GUCY2C: variants seen among roughly 807,000 people sequenced by gnomAD.
The protein encoded by GUCY2C is guanylate cyclase 2C.
Under a neutral mutation model 131.1 loss-of-function variants are expected in GUCY2C, and 118 were observed. The observed-to-expected ratio is 0.90, with a 90% confidence interval of 0.78 to 1.05. GUCY2C has a LOEUF of 1.05. Among genes scored for constraint, GUCY2C ranks in the 50% least tolerant of loss-of-function variants. The pLI is 0.00. For missense variants in GUCY2C, 1,161 were observed against 1,304.4 expected, an observed-to-expected ratio of 0.89 and a Z score of 1.69; for synonymous variants, 452 against 457.8, an observed-to-expected ratio of 0.99 and a Z score of 0.16.
At chr12:14,644,425 T>C (rs1947471945) in intron 16 of GUCY2C, among the ~76,000 whole-genome samples, 2 of 152,212 alleles carry the variant, frequency 1.3e-5, no homozygotes, top group Non-Finnish European at 2.9e-5. Flanking sequence ...TTCTCTCTTG[T>C]GGTTAGAGGG....
intron 19 of GUCY2C, among the ~76,000 whole-genome samples, chr12:14,632,241 A>G (rs918858481): frequency 6.6e-6 from 1 of 151,936 alleles, no homozygotes; most frequent in Non-Finnish European, 1.5e-5. Flanking sequence ...ATTAGATCCC[A>G]TTTGTCAATT....
chr12:14,635,841 A>G (rs1947257543), intron 19 of GUCY2C, among the ~76,000 whole-genome samples: 1 of 152,176 alleles, frequency 6.6e-6, no homozygotes, highest in Non-Finnish European at 1.5e-5. Flanking sequence ...ATACCAGCAA[A>G]CTGAAAAATA....
chr12:14,670,683 A>G (rs538667223), intron 9 of GUCY2C, among the ~76,000 whole-genome samples: 35 of 151,868 alleles, frequency 2.3e-4, no homozygotes, highest in Non-Finnish European at 4.3e-4. Flanking sequence ...TGATGGTTTT[A>G]TAAGAGGTTT....
At chr12:14,634,286 C>T (rs1947214906) in intron 19 of GUCY2C, among the ~76,000 whole-genome samples, 1 of 152,160 alleles carries the variant, frequency 6.6e-6, no homozygotes, top group Non-Finnish European at 1.5e-5. Flanking sequence ...ATCCAGCAAA[C>T]TTATCTTTCA....
At chr12:14,626,230 G>A (rs987500077) in intron 20 of GUCY2C, among the ~76,000 whole-genome samples, 4 of 151,878 alleles carry the variant, frequency 2.6e-5, no homozygotes, top group African/African-American at 9.7e-5. Flanking sequence ...GGCCGAGGCA[G>A]GAGAATTGCT....
chr12:14,666,328 G>T (rs1947979224), intron 10 of GUCY2C, among the ~76,000 whole-genome samples: 1 of 152,232 alleles, frequency 6.6e-6, no homozygotes, highest in South Asian at 2.1e-4. Flanking sequence ...TTTTAGTACA[G>T]CTGCGGGCAT....
chr12:14,677,678 C>T lies in GUCY2C; in HGVS notation c.831-707G>A, dbSNP rs941314467. 1.1e-4 allele frequency among the ~76,000 whole-genome samples: 17 copies of T among 152,104 alleles called. No homozygotes were observed. In the East Asian group the frequency reaches 3.3e-3, roughly 29 times the overall value. ...CTCCGCCTCCCAGGTTCAAGCAATT[C>T]TCCTGCCTCAGCCTCCTGAGTAGCT... On this transcript the variant is annotated intron_variant, in intron 6 of 26. Transcript: ENST00000261170.
At chr12:14,696,031 C>A (rs749041527) in intron 1 of GUCY2C, among the ~76,000 whole-genome samples, 1 of 152,114 alleles carries the variant, frequency 6.6e-6, no homozygotes, top group Non-Finnish European at 1.5e-5. Flanking sequence ...AGTCCCAGAG[C>A]AAGGTGAAGT....
intron 15 of GUCY2C, 135 bp from the exon 16 acceptor site, chr12:14,645,450 G>A: frequency 3.4e-6 from 2 of 580,426 alleles, no homozygotes; most frequent in Non-Finnish European, 6.1e-6. Flanking sequence ...CATTGTCTGG[G>A]ATTTCATGAA....
In GUCY2C at chr12:14,676,909, G is replaced by C; in HGVS notation, c.893C>G (p.Thr298Arg). ...TAGAAGGGAATTCCCAGGAGACAGC[G>C]TCAGAACAAGGACATTTTTCATATA... ...PDYMKNVLVL[T>R]LSPGNSLLNS... Residue 298 changes from threonine to arginine, a missense_variant, in exon 7 of 27, where the codon ACG becomes AGG. Coordinates refer to ENST00000261170, the MANE Select transcript of GUCY2C (RefSeq NM_004963.4). 1 of 1,573,526 alleles carries C rather than the reference G, an allele frequency of 6.4e-7. No homozygotes were observed. Among genetic ancestry groups the C allele is most frequent in the Non-Finnish European group, 8.7e-7 (1 of 1,151,766 alleles).
chr12:14,642,854 A>G (rs1415478741), intron 17 of GUCY2C, among the ~76,000 whole-genome samples: 1 of 152,114 alleles, frequency 6.6e-6, no homozygotes, highest in African/African-American at 2.4e-5. Context: ...CAGAATCGCA[A>G]TTTTCCTTTT....
At chr12:14,619,110 A>C in intron 24 of GUCY2C, 101 bp downstream of exon 24, 1 of 667,176 alleles carries the variant, frequency 1.5e-6, no homozygotes, top group Non-Finnish European at 2.7e-6. Flanking sequence ...TCTACATCTC[A>C]CTGGCACTTT....
chr12:14,674,468 A>G (rs1259563982), intron 8 of GUCY2C, 157 bp downstream of exon 8: 2 of 762,130 alleles, frequency 2.6e-6, no homozygotes, highest in South Asian at 1.4e-5. Flanking sequence ...CAATAACAGC[A>G]CCCTCAAAGT....
At chr12:14,658,027 C>A (rs1051945145) in intron 11 of GUCY2C, among the ~76,000 whole-genome samples, 1 of 152,054 alleles carries the variant, frequency 6.6e-6, no homozygotes, top group Admixed American at 6.5e-5. Flanking sequence ...TTCATTATTG[C>A]ATTACTTTGC....
chr12:14,660,936 T>C, intron 11 of GUCY2C, 45 bp downstream of exon 11: 1 of 1,249,922 alleles, frequency 8.0e-7, no homozygotes. Context: ...TTTCCCTTCC[T>C]GCCTCTCTGG....
intron 10 of GUCY2C, among the ~76,000 whole-genome samples, chr12:14,668,899 G>C (rs1948039656): frequency 6.6e-6 from 1 of 152,090 alleles, no homozygotes; most frequent in Non-Finnish European, 1.5e-5. Context: ...CTAATCTTAA[G>C]TAGGTGGGTA....
intron 1 of GUCY2C, among the ~76,000 whole-genome samples, chr12:14,693,628 G>T (rs1437600428): frequency 6.6e-6 from 1 of 152,132 alleles, no homozygotes; most frequent in Non-Finnish European, 1.5e-5. Flanking sequence ...CCAAAAACCT[G>T]TACCTTTTGT....
intron 1 of GUCY2C, among the ~76,000 whole-genome samples, chr12:14,688,285 T>C (rs1272447974): frequency 1.3e-5 from 2 of 152,002 alleles, no homozygotes; most frequent in African/African-American, 4.8e-5. Flanking sequence ...TCAACAGTTT[T>C]ATTGAGGTAT....
At chr12:14,655,151 G>A (rs570491834) in intron 12 of GUCY2C, among the ~76,000 whole-genome samples, 1 of 152,282 alleles carries the variant, frequency 6.6e-6, no homozygotes, top group East Asian at 1.9e-4. Flanking sequence ...GGTTTTGAGT[G>A]CTTCACAATT....
Sources: gnomAD v4.1 joint callset for allele counts (sites outside exome capture counted in the v4.1 genomes callset) on GRCh38, gnomAD v4.1.1 for gene constraint, MANE v1.5 for transcripts, NCBI Gene and HGNC (gene_info 2026-07-23, HGNC 2026-07-21) for gene names.